TBC1D14: variants seen among roughly 807,000 people sequenced by gnomAD.
The protein encoded by TBC1D14 is TBC1 domain family, member 14.
TBC1D14 carries 26 observed loss-of-function variants against 79.0 expected under a neutral mutation model. The observed-to-expected ratio is 0.33, with a 90% CI of 0.24 to 0.46. The LOEUF is 0.46. Ranked by LOEUF, TBC1D14 falls within the 20% of genes least tolerant of loss-of-function variation. TBC1D14 has a pLI of 1.00. For missense variants in TBC1D14, 769 were observed against 887.6 expected, an observed-to-expected ratio of 0.87 and a Z score of 1.70; for synonymous variants, 394 against 349.9, an observed-to-expected ratio of 1.13 and a Z score of -1.40.
At chr4:6,925,490 A>G (rs1577467294) in intron 2 of TBC1D14, among the ~76,000 whole-genome samples, 1 of 152,120 alleles carries the variant, frequency 6.6e-6, no homozygotes, top group Non-Finnish European at 1.5e-5. Flanking sequence ...GACTGTGGCC[A>G]ACACATTACC....
intron 3 of TBC1D14, chr4:6,987,182 T>C (rs2109119610): frequency 8.3e-7 from 1 of 1,202,090 alleles, no homozygotes; most frequent in Non-Finnish European, 1.0e-6. Context: ...CGCCTCGCTG[T>C]GTCTGCGCGC....
At position 6,960,576 on chromosome 4, in the gene TBC1D14, A is replaced by G. The variant is rs142870583; in HGVS notation, c.723-6728A>G. ...AAAAAATGCCTGTTGGCCTCCTGAA[A>G]GCTGCCTGTGAGTGTATCAGGAACT... is the stretch of plus-strand genomic sequence containing the variant. On this transcript the variant is annotated intron_variant, in intron 2 of 13. Transcript: ENST00000409757. Among the ~76,000 whole-genome samples the G allele has an allele frequency of 7.2e-5, 11 of 152,328 alleles. No homozygotes were observed. The East Asian group carries it at 2.1e-3, about 29-fold the overall frequency.
At chr4:6,938,380 G>T (rs1712553918) in intron 2 of TBC1D14, among the ~76,000 whole-genome samples, 1 of 152,172 alleles carries the variant, frequency 6.6e-6, no homozygotes, top group Non-Finnish European at 1.5e-5. Flanking sequence ...TAGCAAGGGG[G>T]GAAGTCAATG....
chr4:6,989,223 C>A (rs953442043), intron 3 of TBC1D14, among the ~76,000 whole-genome samples: 2 of 152,130 alleles, frequency 1.3e-5, no homozygotes, highest in Non-Finnish European at 1.5e-5. Context: ...AGACCCTGCC[C>A]CTGGATGCGT....
At chr4:6,946,143 C>T (rs1713430429) in intron 2 of TBC1D14, among the ~76,000 whole-genome samples, 1 of 152,064 alleles carries the variant, frequency 6.6e-6, no homozygotes. Context: ...AGGATGGGTA[C>T]CTACATTTCC....
intron 2 of TBC1D14, among the ~76,000 whole-genome samples, chr4:6,962,448 G>A (rs986171281): frequency 6.6e-6 from 1 of 152,166 alleles, no homozygotes; most frequent in African/African-American, 2.4e-5. Flanking sequence ...GTTAATGAGT[G>A]CTCTGTGTCT....
chr4:6,931,867 C>T (rs990203734), intron 2 of TBC1D14, among the ~76,000 whole-genome samples: 10 of 152,024 alleles, frequency 6.6e-5, no homozygotes, highest in Non-Finnish European at 1.2e-4. Flanking sequence ...CCCCTGTCCT[C>T]GCAGAGCTTA....
chr4:6,923,993 A>G lies in TBC1D14; in HGVS notation c.604A>G (p.Asn202Asp). Residue 202 changes from asparagine (N) to aspartate (D), a missense_variant, in exon 2 of 14, where the codon AAC becomes GAC. Physicochemically the swap from Asn to Asp is conservative, Grantham distance 23. Transcript: ENST00000409757. ...GAATGACGATGACCCACAGTTTACC[A>G]ACGTCACCTTGAGCTCTATCAAGGA... Reference protein sequence around the residue: ...LENDDDPQFTNVTLSSIKETR... With the variant: ...LENDDDPQFTDVTLSSIKETR... 1 of 1,614,120 alleles carries G rather than the reference A, an allele frequency of 6.2e-7. No homozygotes were observed.
chr4:7,017,945 A>C (rs1721441617), intron 12 of TBC1D14, among the ~76,000 whole-genome samples: 1 of 152,168 alleles, frequency 6.6e-6, no homozygotes, highest in African/African-American at 2.4e-5. Flanking sequence ...GGCAGTAGGG[A>C]GGAAGCAAAG....
chr4:6,948,327 A>G (rs987912719), intron 2 of TBC1D14, among the ~76,000 whole-genome samples: 1 of 152,162 alleles, frequency 6.6e-6, no homozygotes, highest in Non-Finnish European at 1.5e-5. Flanking sequence ...TGCCTTCTTT[A>G]GGTAAATGGA....
rs867305949 is a variant in TBC1D14 at position 7,021,242 on chromosome 4, C to T, written c.1758-3762C>T. 3.9e-5 allele frequency among the ~76,000 whole-genome samples: 6 copies of T among 152,340 alleles called. No homozygotes were observed. The South Asian group carries it at 8.3e-4, about 21-fold the overall frequency. On this transcript the variant is annotated intron_variant, in intron 12 of 13. Transcript: ENST00000409757. ...ACGTATCACGGGGGAAACAGATACG[C>T]AGCTTTTGTCTGGGGTCTTTTCTAA...
At chr4:7,019,989 T>C (rs113189587) in intron 12 of TBC1D14, among the ~76,000 whole-genome samples, 1 of 126,070 alleles carries the variant, frequency 7.9e-6, no homozygotes, top group Non-Finnish European at 1.7e-5. Flanking sequence ...CAGGGAGGAC[T>C]CTGGGGCACA....
chr4:6,964,973 C>G (rs1271161128), intron 2 of TBC1D14, among the ~76,000 whole-genome samples: 1 of 152,076 alleles, frequency 6.6e-6, no homozygotes, highest in Non-Finnish European at 1.5e-5. Context: ...TTTCCTGTGC[C>G]ATTAGAAGAG....
At chr4:6,933,748 G>A (rs1370231757) in intron 2 of TBC1D14, among the ~76,000 whole-genome samples, 2 of 152,226 alleles carry the variant, frequency 1.3e-5, no homozygotes, top group Admixed American at 1.3e-4. Context: ...AAGTCTGCCT[G>A]CCATAGGAGT....
chr4:7,028,437 T>C (rs1325012494), intron 13 of TBC1D14, among the ~76,000 whole-genome samples: 2 of 151,874 alleles, frequency 1.3e-5, no homozygotes, highest in Admixed American at 1.3e-4. Flanking sequence ...TTGTTTGTTT[T>C]TTTTTTGAGA....
intron 2 of TBC1D14, among the ~76,000 whole-genome samples, chr4:6,940,916 C>G (rs551771286): frequency 2.0e-5 from 3 of 152,102 alleles, no homozygotes; most frequent in African/African-American, 2.4e-5. Context: ...CATGAATGAA[C>G]GAATGAATGA....
intron 1 of TBC1D14, among the ~76,000 whole-genome samples, chr4:6,918,076 C>T (rs1723547588): frequency 6.6e-6 from 1 of 152,224 alleles, no homozygotes; most frequent in Non-Finnish European, 1.5e-5. Flanking sequence ...ATAGGAGAGG[C>T]CACTGGGCTG....
At chr4:6,999,367 C>T (rs1471355223) in intron 6 of TBC1D14, among the ~76,000 whole-genome samples, 165 bp downstream of exon 6, 5 of 152,038 alleles carry the variant, frequency 3.3e-5, no homozygotes, top group Admixed American at 6.6e-5. Flanking sequence ...CCATCCCTTG[C>T]TTGGAGACTG....
intron 12 of TBC1D14, among the ~76,000 whole-genome samples, chr4:7,019,538 C>A (rs1227895710): frequency 2.6e-5 from 4 of 151,946 alleles, no homozygotes; most frequent in Non-Finnish European, 5.9e-5. Flanking sequence ...CCTGCCTGCA[C>A]TGGGGACCTG....
Sources: gnomAD v4.1 joint callset for allele counts (sites outside exome capture counted in the v4.1 genomes callset) on GRCh38, gnomAD v4.1.1 for gene constraint, MANE v1.5 for transcripts, NCBI Gene and HGNC (gene_info 2026-07-23, HGNC 2026-07-21) for gene names.